Variants in CLIP2 observed in about 807,000 individuals in gnomAD.
CLIP2 encodes the protein CAP-Gly domain containing linker protein 2.
Under a neutral mutation model 111.7 loss-of-function variants are expected in CLIP2, and 41 were observed. The ratio of observed to expected loss-of-function variants is 0.37; its 90% CI spans 0.29 to 0.48. The LOEUF is 0.48. Ranked by LOEUF, CLIP2 falls within the 20% of genes least tolerant of loss-of-function variation. The pLI is 0.99. For synonymous variants in CLIP2, 660 were observed against 644.2 expected, an observed-to-expected ratio of 1.02 and a Z score of -0.37; for missense variants, 1,160 against 1,422.1, an observed-to-expected ratio of 0.82 and a Z score of 2.96.
At chr7:74,370,354 G>A (rs1790582652) in intron 8 of CLIP2, among the ~76,000 whole-genome samples, 1 of 150,948 alleles carries the variant, frequency 6.6e-6, no homozygotes, top group Non-Finnish European at 1.5e-5. Flanking sequence ...TACTCGGGAG[G>A]CTGAGGCAGG....
chr7:74,296,215 T>A (rs960748960), intron 1 of CLIP2, among the ~76,000 whole-genome samples: 1 of 151,928 alleles, frequency 6.6e-6, no homozygotes, highest in Non-Finnish European at 1.5e-5. Context: ...AAAACAACCC[T>A]GCTGTGCCCA....
At chr7:74,332,052 G>C (rs963233796) in intron 2 of CLIP2, among the ~76,000 whole-genome samples, 7 of 152,092 alleles carry the variant, frequency 4.6e-5, no homozygotes, top group Non-Finnish European at 8.8e-5. Flanking sequence ...CTACTGATCA[G>C]AGAAGAAGGT....
intron 6 of CLIP2, among the ~76,000 whole-genome samples, chr7:74,359,505 C>T (rs1200255626): frequency 4.6e-5 from 7 of 151,964 alleles, no homozygotes; most frequent in South Asian, 2.1e-4. Flanking sequence ...AGGAGCCCAC[C>T]ACCACGCCCA....
intron 6 of CLIP2, among the ~76,000 whole-genome samples, chr7:74,359,623 G>A (rs1159564952): frequency 6.6e-6 from 1 of 152,144 alleles, no homozygotes; most frequent in African/African-American, 2.4e-5. Context: ...CCAAAGTGCT[G>A]AGATTACAGG....
At chr7:74,383,960 AT>A (rs1346184194) in intron 11 of CLIP2, among the ~76,000 whole-genome samples, 1 of 152,144 alleles carries the variant, frequency 6.6e-6, no homozygotes, top group African/African-American at 2.4e-5. Flanking sequence ...GGATTTATCT[AT>A]TTGGAACATT....
intron 8 of CLIP2, among the ~76,000 whole-genome samples, chr7:74,370,603 C>G (rs1247495722): frequency 7.0e-5 from 10 of 143,774 alleles, no homozygotes; most frequent in South Asian, 2.3e-4. Flanking sequence ...ACCCTCCCCC[C>G]CACCACCACC....
chr7:74,347,295 G>A (rs1309805421), intron 3 of CLIP2, among the ~76,000 whole-genome samples: 1 of 152,106 alleles, frequency 6.6e-6, no homozygotes, highest in African/African-American at 2.4e-5. Flanking sequence ...TTAAGATGGA[G>A]TCTCACTCTG....
chr7:74,339,298 C>CTTATTTATTTAT (rs3044358), intron 3 of CLIP2, among the ~76,000 whole-genome samples: 54,598 of 150,156 alleles, frequency 0.36, 11,797 homozygotes, highest in Non-Finnish European at 0.47. Flanking sequence ...ACTTATTTTA[C>CTTATTTATTTAT]TTATTTATTT....
intron 1 of CLIP2, among the ~76,000 whole-genome samples, chr7:74,299,995 C>CT (rs1266566327): frequency 1.3e-5 from 2 of 149,476 alleles, no homozygotes; most frequent in African/African-American, 2.5e-5. Flanking sequence ...CTCCACCCAG[C>CT]TTTTTTTTTG....
Position 74,400,149 on chromosome 7 carries a change from C to CAA in CLIP2, c.2881-201_2881-200dup, listed in dbSNP as rs781818573. On this transcript the variant is annotated intron_variant, in intron 14 of 16. Transcript: ENST00000223398. ...TAGGTGATAGAGCGAGACTCTGTCTCAAAAAAAAAAAAAAAAAAAAAGTCA... is the reference window on the plus strand; with the variant it reads ...TAGGTGATAGAGCGAGACTCTGTCTCAAAAAAAAAAAAAAAAAAAAAAAGTCA... Among the ~76,000 whole-genome samples the CAA allele has an allele frequency of 6.2e-3, 344 of 55,456 alleles. 2 individuals carry two copies. Among genetic ancestry groups the CAA allele is most frequent in the African/African-American group, 0.02 (313 of 15,648 alleles). 36.4% of individuals were successfully genotyped at this position (55,456 alleles called of 152,430 possible).
At chr7:74,318,505 G>T (rs1036023083) in intron 2 of CLIP2, among the ~76,000 whole-genome samples, 2 of 152,058 alleles carry the variant, frequency 1.3e-5, no homozygotes, top group Non-Finnish European at 2.9e-5. Flanking sequence ...TTGAGGTCAG[G>T]AGTTCAAGAC....
intron 1 of CLIP2, among the ~76,000 whole-genome samples, chr7:74,293,318 CT>C (rs1299583680): frequency 6.6e-6 from 1 of 152,212 alleles, no homozygotes; most frequent in Non-Finnish European, 1.5e-5. Flanking sequence ...GCTTTCCTCT[CT>C]GTGGACTGCG....
chr7:74,312,569 C>T (rs548307198), intron 1 of CLIP2, among the ~76,000 whole-genome samples: 5 of 152,320 alleles, frequency 3.3e-5, no homozygotes, highest in Non-Finnish European at 5.9e-5. Flanking sequence ...ACCAAGCTCT[C>T]GGAGAGCTGT....
At chr7:74,350,715 A>G (rs1280927744) in intron 3 of CLIP2, among the ~76,000 whole-genome samples, 2 of 151,904 alleles carry the variant, frequency 1.3e-5, no homozygotes, top group African/African-American at 4.8e-5. Context: ...AAAATGTTCA[A>G]AAATTAGCTA....
chr7:74,346,621 G>T (rs1251463061), intron 3 of CLIP2, among the ~76,000 whole-genome samples: 1 of 151,660 alleles, frequency 6.6e-6, no homozygotes, highest in African/African-American at 2.4e-5. Context: ...TCCTCAGGTG[G>T]CTGAGTCAGG....
chr7:74,298,356 G>GTTT (rs35535113), intron 1 of CLIP2, among the ~76,000 whole-genome samples: 1 of 109,624 alleles, frequency 9.1e-6, no homozygotes, highest in Non-Finnish European at 1.9e-5. Context: ...CTGCTAATTG[G>GTTT]TTTTTTTTTT....
chr7:74,342,106 T>G (rs1554305471), intron 3 of CLIP2, among the ~76,000 whole-genome samples: 3 of 152,160 alleles, frequency 2.0e-5, no homozygotes. Context: ...CCTGGCATGG[T>G]GGTTCACACC....
chr7:74,387,007 A>C (rs1371688054), intron 12 of CLIP2, among the ~76,000 whole-genome samples: 1 of 137,652 alleles, frequency 7.3e-6, no homozygotes, highest in Non-Finnish European at 1.5e-5. Flanking sequence ...TGGGTGACAG[A>C]GCGAGACTCC....
chr7:74,358,336 C>T (rs1178931061), intron 6 of CLIP2, among the ~76,000 whole-genome samples: 2 of 152,126 alleles, frequency 1.3e-5, no homozygotes, highest in African/African-American at 4.8e-5. Context: ...CAGGTGTGAG[C>T]CACCATGCCC....
Sources: allele counts gnomAD v4.1 joint callset (sites outside exome capture counted in the v4.1 genomes callset), GRCh38; gene constraint gnomAD v4.1.1; transcripts MANE v1.5; gene names NCBI Gene and HGNC (gene_info 2026-07-23, HGNC 2026-07-21).